The following KMT2C variants were observed in gnomAD, a reference collection of about 807,000 sequenced individuals.
KMT2C encodes the protein histone-lysine N-methyltransferase 2C.
In KMT2C, 88 loss-of-function variants were observed where a neutral mutation model predicts 507.9. The ratio of observed to expected loss-of-function variants is 0.17; its 90% CI spans 0.15 to 0.21. The LOEUF is 0.21. KMT2C is among the 10% of genes least tolerant of loss of function. The pLI is 1.00. For synonymous variants in KMT2C, 2,049 were observed against 2,080.8 expected, an observed-to-expected ratio of 0.98 and a Z score of 0.42; for missense variants, 4,954 against 5,957.8, an observed-to-expected ratio of 0.83 and a Z score of 5.55.
intron 6 of KMT2C, among the ~76,000 whole-genome samples, chr7:152,292,220 A>G (rs2096438664): frequency 6.6e-6 from 1 of 152,152 alleles, no homozygotes; most frequent in South Asian, 2.1e-4. Flanking sequence ...ATACCTCTAA[A>G]GTGTTACATA....
Position 152,163,572 on chromosome 7 carries a change from C to G in KMT2C, c.10005G>C (p.Trp3335Cys). Residue 3335 changes from tryptophan (W) to cysteine (C), a missense_variant, in exon 43 of 59, where the codon TGG (tryptophan) becomes TGC (cysteine). Transcript: ENST00000262189. ...GGTGGGCAGGAGCACTGTTGGGTTGCCATCCAGGTAAACTGGGCATTCTAA... is the reference window on the plus strand; with the variant it reads ...GGTGGGCAGGAGCACTGTTGGGTTGGCATCCAGGTAAACTGGGCATTCTAA... ...SPVRMPSLPG[W>C]QPNSAPAHLP... 6.2e-7 allele frequency: 1 copy of G among 1,605,704 alleles called. No homozygotes were observed. Among genetic ancestry groups the G allele is most frequent in the Non-Finnish European group, 8.5e-7 (1 of 1,174,910 alleles).
At chr7:152,271,622 C>T (rs947591216) in intron 7 of KMT2C, among the ~76,000 whole-genome samples, 2 of 137,382 alleles carry the variant, frequency 1.5e-5, no homozygotes, top group Non-Finnish European at 3.0e-5. Context: ...TGCAGTGAGC[C>T]AAGGCCATGC....
intron 1 of KMT2C, among the ~76,000 whole-genome samples, chr7:152,364,629 A>AAAG: frequency 6.8e-6 from 1 of 147,768 alleles, no homozygotes; most frequent in African/African-American, 2.6e-5. Flanking sequence ...AAGAAAAGAA[A>AAAG]AAAAGAAAAA....
Position 152,421,042 on chromosome 7 carries a change from A to G in KMT2C, c.161+14584T>C, listed in dbSNP as rs142987531. Reference sequence around the variant, plus strand: ...AATAAAAAAATAGTTTATAATAAAAAAAAAACAAGCAAAAAACAACCCCAT... The same window carrying G: ...AATAAAAAAATAGTTTATAATAAAAGAAAAACAAGCAAAAAACAACCCCAT... On this transcript the variant is annotated intron_variant, in intron 1 of 58. Transcript: ENST00000262189. 1.4e-3 allele frequency among the ~76,000 whole-genome samples: 207 copies of G among 152,150 alleles called. 6 individuals carry two copies. The highest frequency in any genetic ancestry group is 0.012 in the Admixed American group (177 of 15,272).
At chr7:152,297,059 G>GAA (rs1563767704) in intron 6 of KMT2C, among the ~76,000 whole-genome samples, 663 of 63,992 alleles carry the variant, frequency 0.01, 2 homozygotes, top group Non-Finnish European at 0.013. Context: ...GAAAGACAGA[G>GAA]AGAGAGAGAG....
chr7:152,243,553 G>A (rs745918666), intron 14 of KMT2C, among the ~76,000 whole-genome samples: 5 of 152,076 alleles, frequency 3.3e-5, no homozygotes, highest in Admixed American at 6.6e-5. Flanking sequence ...AGGACAAGGC[G>A]GGTGGATCAC....
intron 9 of KMT2C, among the ~76,000 whole-genome samples, chr7:152,262,641 A>G (rs1485957665): frequency 2.0e-5 from 3 of 152,262 alleles, no homozygotes; most frequent in Admixed American, 2.0e-4. Flanking sequence ...CTGTGCAGCA[A>G]TATGGATGAA....
chr7:152,380,574 A>G (rs1326824461), intron 1 of KMT2C, among the ~76,000 whole-genome samples: 2 of 134,758 alleles, frequency 1.5e-5, no homozygotes, highest in Non-Finnish European at 3.3e-5. Flanking sequence ...GTCTCAAAAG[A>G]AAAAAAAAAA....
At chr7:152,159,845 T>C (rs541661843) in intron 43 of KMT2C, among the ~76,000 whole-genome samples, 12 of 152,346 alleles carry the variant, frequency 7.9e-5, no homozygotes, top group Admixed American at 2.6e-4. Context: ...TAGACGATTA[T>C]AGTAGCTGAA....
intron 1 of KMT2C, among the ~76,000 whole-genome samples, chr7:152,380,586 A>C (rs1172473421): frequency 1.3e-5 from 2 of 151,920 alleles, no homozygotes; most frequent in Non-Finnish European, 2.9e-5. Context: ...AAAAAAAAAA[A>C]AACTAGCCGG....
At chr7:152,381,766 A>T (rs1344092561) in intron 1 of KMT2C, among the ~76,000 whole-genome samples, 1 of 152,196 alleles carries the variant, frequency 6.6e-6, no homozygotes, top group Non-Finnish European at 1.5e-5. Flanking sequence ...GTTATCAAAA[A>T]CTGTGCTAAA....
chr7:152,231,294 G>C (rs1184179522), intron 16 of KMT2C, among the ~76,000 whole-genome samples: 7 of 152,152 alleles, frequency 4.6e-5, no homozygotes, highest in African/African-American at 1.7e-4. Context: ...GAGTGATTAT[G>C]AAACAAAACA....
At chr7:152,328,233 T>C (rs1437682005) in intron 3 of KMT2C, among the ~76,000 whole-genome samples, 1 of 152,136 alleles carries the variant, frequency 6.6e-6, no homozygotes, top group African/African-American at 2.4e-5. Flanking sequence ...CCAAAAAATA[T>C]TGGAGGAGGA....
chr7:152,178,176 G>GT (rs1347207230), intron 37 of KMT2C, among the ~76,000 whole-genome samples, 166 bp from the exon 38 acceptor site: 1 of 151,860 alleles, frequency 6.6e-6, no homozygotes, highest in Non-Finnish European at 1.5e-5. Context: ...AGTATTTACA[G>GT]TATTCATATG....
chr7:152,299,800 TTCTTA>T (rs1357936126), intron 6 of KMT2C, among the ~76,000 whole-genome samples: 4 of 151,894 alleles, frequency 2.6e-5, no homozygotes, highest in Non-Finnish European at 4.4e-5. Context: ...TGTGATTGTC[TTCTTA>T]TATGTTTTTA....
intron 6 of KMT2C, among the ~76,000 whole-genome samples, chr7:152,308,968 C>G (rs2096645520): frequency 6.6e-6 from 1 of 152,088 alleles, no homozygotes; most frequent in Admixed American, 6.5e-5. Context: ...ACAGGAAAAG[C>G]TCTGAAAAAT....
chr7:152,351,228 A>G (rs2097108271), intron 2 of KMT2C, among the ~76,000 whole-genome samples: 1 of 152,206 alleles, frequency 6.6e-6, no homozygotes, highest in Admixed American at 6.5e-5. Flanking sequence ...AAATATATAA[A>G]CCAGTAACAC....
intron 1 of KMT2C, among the ~76,000 whole-genome samples, chr7:152,424,580 A>G (rs1376689702): frequency 6.6e-6 from 1 of 151,926 alleles, no homozygotes; most frequent in African/African-American, 2.4e-5. Context: ...ATGCCACCAC[A>G]CTCAGCTAAT....
chr7:152,419,013 G>A (rs1467352880), intron 1 of KMT2C, among the ~76,000 whole-genome samples: 1 of 152,074 alleles, frequency 6.6e-6, no homozygotes, highest in Admixed American at 6.6e-5. Flanking sequence ...GGGTGACATA[G>A]TGAGACGACT....
Sources: allele counts gnomAD v4.1 joint callset (sites outside exome capture counted in the v4.1 genomes callset), GRCh38; gene constraint gnomAD v4.1.1; transcripts MANE v1.5; gene names NCBI Gene and HGNC (gene_info 2026-07-23, HGNC 2026-07-21).